Variants in USH2A observed in about 807,000 individuals in gnomAD.
USH2A encodes the protein usherin.
In USH2A, 443 loss-of-function variants were observed where a neutral mutation model predicts 538.9. That is an observed-to-expected ratio of 0.82 (90% CI 0.76 to 0.89). The LOEUF (loss-of-function observed/expected upper bound fraction) is 0.89, where lower values mean the gene tolerates loss of function less well. Ranked by LOEUF, USH2A falls within the 40% of genes least tolerant of loss-of-function variation. The probability of loss-of-function intolerance (pLI) is 0.00; values close to 1 mark genes in which losing one functional copy is unlikely to be tolerated. For missense variants in USH2A, 6,633 were observed against 6,324.8 expected (o/e 1.05, Z -1.65); for synonymous variants, 2,413 against 2,273.5 (o/e 1.06, Z -1.75).
intron 7 of USH2A, 117 bp from the exon 8 acceptor site, chr1:216,323,812 A>G (rs1168300721): frequency 2.0e-6 from 2 of 976,134 alleles, no homozygotes; most frequent in African/African-American, 3.3e-5. Context: ...TATTCATTCT[A>G]GGAAAAGCAT....
In USH2A at chr1:215,903,720, G is replaced by A. The variant is rs143031082; in HGVS notation, c.7301-2815C>T. 1.2e-4 allele frequency among the ~76,000 whole-genome samples: 19 copies of A among 152,180 alleles called. 2 individuals are homozygous for A. The East Asian group carries it at 2.7e-3, about 22-fold the overall frequency. Reference sequence around the variant, plus strand: ...TAGCAAAGATCTCCTTTGATGATGCGCAGTTTCTTAGTGAGCAAAATAAAA... The same window carrying A: ...TAGCAAAGATCTCCTTTGATGATGCACAGTTTCTTAGTGAGCAAAATAAAA... On this transcript the variant is annotated intron_variant, in intron 38 of 71. Coordinates refer to ENST00000307340, the MANE Select transcript of USH2A (RefSeq NM_206933.4).
intron 58 of USH2A, among the ~76,000 whole-genome samples, chr1:215,755,743 C>A (rs1660774190): frequency 6.6e-6 from 1 of 152,096 alleles, no homozygotes; most frequent in African/African-American, 2.4e-5. Flanking sequence ...CTACAATATC[C>A]CCTAGGCTGG....
chr1:216,322,495 T>C (rs1336200603), intron 8 of USH2A, among the ~76,000 whole-genome samples: 1 of 151,238 alleles, frequency 6.6e-6, no homozygotes, highest in African/African-American at 2.4e-5. Context: ...TAGTCCCAGT[T>C]ACTTTGGAGG....
At chr1:215,668,268 T>C (rs376801527) in intron 64 of USH2A, among the ~76,000 whole-genome samples, 1 of 152,224 alleles carries the variant, frequency 6.6e-6, no homozygotes, top group Non-Finnish European at 1.5e-5. Flanking sequence ...GAAAAATAAA[T>C]TGTTTTAGTA....
chr1:216,267,844 T>G (rs902731803), intron 11 of USH2A, among the ~76,000 whole-genome samples: 1 of 152,120 alleles, frequency 6.6e-6, no homozygotes, highest in Non-Finnish European at 1.5e-5. Flanking sequence ...CATCCATTGA[T>G]CCCACAGTAT....
At chr1:215,981,355 T>A (rs80348592) in intron 35 of USH2A, among the ~76,000 whole-genome samples, 1 of 152,176 alleles carries the variant, frequency 6.6e-6, no homozygotes, top group African/African-American at 2.4e-5. Flanking sequence ...TTATTATTTA[T>A]CTTTGTGGGC....
rs1485173724 is a variant in USH2A at position 215,965,470 on chromosome 1, G to A, written c.6967C>T (p.Arg2323Ter). 1.1e-5 allele frequency: 17 copies of A among 1,613,414 alleles called. No individual in the cohort carries two copies. The highest frequency in any genetic ancestry group is 5.0e-5 in the Admixed American group (3 of 59,916). ...CCTTCAGGAGGAGCTTCTAGAGTTC[G>A]ATTTTCCACCTGTGAGTATAAAAAG... ...GCALGPLVEN[R>*]TLEAPPEGTV... is the part of the protein sequence containing the mutation. The change falls in exon 37 of 72, where the codon CGA (arginine) becomes TGA (stop). Residue 2323 changes from arginine (R) to a stop codon, truncating the protein, a stop_gained. Transcript: ENST00000307340. LOFTEE classifies it high-confidence loss of function.
chr1:215,759,745 G>T lies in USH2A; in HGVS notation c.11146C>A (p.Gln3716Lys), dbSNP rs771260365. 3.1e-6 allele frequency: 5 copies of T among 1,613,898 alleles called. No individual in the cohort carries two copies. Among genetic ancestry groups the T allele is most frequent in the African/African-American group, 2.7e-5 (2 of 74,910 alleles). ...AGCAAGTTTCCATTACGACTCAATT[G>T]ATATTGAGAAACGAGGCCATTGGGC... ...EKPNGLVSQY[Q>K]LSRNGNLLFL... Residue 3716 changes from glutamine (Q) to lysine (K), a missense_variant, in exon 57 of 72, where the codon CAA (glutamine) becomes AAA (lysine). Transcript: ENST00000307340.
rs776924730 is a variant in USH2A, at chr1:215,650,674, T to G, written c.14261A>C (p.Asn4754Thr). The change falls in exon 65 of 72, where the codon AAC (asparagine) becomes ACC (threonine). Residue 4754 changes from asparagine (N) to threonine (T), a missense_variant. By Grantham distance (65) the Asn-to-Thr change is moderately conservative. Transcript: ENST00000307340. ...GTTGGGCTTCCCAGGGGCACTGATG[T>G]TGACCACTGCTTGGGTAGAAGAGAT... ...HVISSTQAVV[N>T]ISAPGKPNGI... 34 of 1,614,012 alleles carry G rather than the reference T, an allele frequency of 2.1e-5. No homozygotes were observed. The highest frequency in any genetic ancestry group is 2.7e-5 in the African/African-American group (2 of 74,914).
At chr1:215,694,570 C>G (rs1217773677) in intron 61 of USH2A, among the ~76,000 whole-genome samples, 1 of 151,932 alleles carries the variant, frequency 6.6e-6, no homozygotes, top group Non-Finnish European at 1.5e-5. Flanking sequence ...GAGACTCCAT[C>G]TCAAAACAAA....
At chr1:216,074,161 CAAAA>C (rs1558244179) in intron 27 of USH2A, among the ~76,000 whole-genome samples, 1 of 152,118 alleles carries the variant, frequency 6.6e-6, no homozygotes, top group Non-Finnish European at 1.5e-5. Flanking sequence ...AGACAGCAAA[CAAAA>C]AAGGCATCCA....
chr1:216,125,499 T>G (rs2033234191), intron 21 of USH2A, among the ~76,000 whole-genome samples: 1 of 152,218 alleles, frequency 6.6e-6, no homozygotes, highest in Non-Finnish European at 1.5e-5. Context: ...GGAGGACCAC[T>G]ACATTGGATA....
intron 4 of USH2A, among the ~76,000 whole-genome samples, chr1:216,353,719 TG>T (rs1181510036): frequency 1.3e-5 from 2 of 152,082 alleles, no homozygotes; most frequent in Non-Finnish European, 2.9e-5. Flanking sequence ...AATTAGATGT[TG>T]TTATAATAGT....
intron 4 of USH2A, among the ~76,000 whole-genome samples, chr1:216,360,796 T>C (rs1401056590): frequency 1.3e-5 from 2 of 152,038 alleles, no homozygotes; most frequent in Non-Finnish European, 2.9e-5. Flanking sequence ...ACTAAAAACA[T>C]TGCTGGGAGA....
chr1:216,283,007 T>C (rs2036811460), intron 11 of USH2A, among the ~76,000 whole-genome samples: 1 of 152,242 alleles, frequency 6.6e-6, no homozygotes, highest in Admixed American at 6.5e-5. Context: ...TTTCAGATTG[T>C]TCAGTGCAAA....
intron 15 of USH2A, among the ~76,000 whole-genome samples, chr1:216,215,986 C>A (rs535387546): frequency 1.4e-4 from 21 of 152,022 alleles, no homozygotes; most frequent in Non-Finnish European, 2.2e-4. Context: ...AAAAGTAGAG[C>A]AGGTGCCAAT....
At chr1:216,234,122 TA>T (rs1184466572) in intron 13 of USH2A, among the ~76,000 whole-genome samples, 2 of 152,190 alleles carry the variant, frequency 1.3e-5, no homozygotes, top group African/African-American at 4.8e-5. Flanking sequence ...TCTTATCTAT[TA>T]TATAGGGAAC....
At chr1:215,839,111 T>C (rs1394847173) in intron 46 of USH2A, among the ~76,000 whole-genome samples, 1 of 152,178 alleles carries the variant, frequency 6.6e-6, no homozygotes, top group African/African-American at 2.4e-5. Context: ...GTGTTACTTA[T>C]TGATGCCATA....
At chr1:216,000,697 C>T in intron 32 of USH2A, 135 bp from the exon 33 acceptor site, 5 of 1,080,416 alleles carry the variant, frequency 4.6e-6, no homozygotes, top group Non-Finnish European at 5.5e-6. Flanking sequence ...CCATAAAAAT[C>T]AATAGCAATA....
Sources: allele counts gnomAD v4.1 joint callset (sites outside exome capture counted in the v4.1 genomes callset), GRCh38; gene constraint gnomAD v4.1.1; transcripts MANE v1.5; gene names NCBI Gene and HGNC (gene_info 2026-07-23, HGNC 2026-07-21).